Variants in GMDS observed in about 807,000 individuals in gnomAD.
The protein encoded by GMDS is GDP-mannose 4,6-dehydratase.
GMDS carries 20 observed loss-of-function variants against 49.9 expected under a neutral mutation model. The ratio of observed to expected loss-of-function variants is 0.40; its 90% CI spans 0.28 to 0.58. The LOEUF is 0.58. GMDS is among the 20% of genes least tolerant of loss of function. The pLI, the probability that GMDS is intolerant of heterozygous loss-of-function variation, is 0.42. For synonymous variants in GMDS, 177 were observed against 178.6 expected, an observed-to-expected ratio of 0.99 and a Z score of 0.07; for missense variants, 362 against 481.4, an observed-to-expected ratio of 0.75 and a Z score of 2.32.
Position 1,833,166 on chromosome 6 carries a change from A to AG in GMDS, c.772-90581dup, listed in dbSNP as rs1288904753. Among the ~76,000 whole-genome samples, 2 of 143,028 alleles carry AG rather than the reference A, an allele frequency of 1.4e-5. No homozygotes were observed. Among genetic ancestry groups the AG allele is most frequent in the African/African-American group, 2.6e-5 (1 of 38,354 alleles). The allele number at this position is 143,028 out of a possible 152,430, so 93.8% of individuals were successfully genotyped here. ...TTTTTTTTTAAACTAATGCACTGGA[A>AG]GGGGGCAAAGGGTGGCATGGACCCT... On this transcript the variant is annotated intron_variant, in intron 7 of 10. Coordinates refer to ENST00000380815, the MANE Select transcript of GMDS (RefSeq NM_001500.4). The surrounding 1 kb of genome is among the most constrained non-coding windows in gnomAD (Gnocchi z 4.4).
chr6:2,159,117 A>T (rs956468556), intron 1 of GMDS, among the ~76,000 whole-genome samples: 9 of 152,236 alleles, frequency 5.9e-5, no homozygotes, highest in African/African-American at 2.2e-4. Context: ...TCACATGTTA[A>T]GTTAAACTAA....
chr6:1,775,629 G>GGCCT (rs1333933170), intron 7 of GMDS, among the ~76,000 whole-genome samples: 2 of 152,016 alleles, frequency 1.3e-5, no homozygotes, highest in African/African-American at 2.4e-5. Flanking sequence ...ATTTGCAGCT[G>GGCCT]GCCTGATGCC....
At chr6:1,756,066 AAAC>A (rs1181636443) in intron 7 of GMDS, among the ~76,000 whole-genome samples, 4 of 152,234 alleles carry the variant, frequency 2.6e-5, no homozygotes, top group African/African-American at 9.6e-5. Context: ...ATGTAAAAGA[AAAC>A]AACAACCCCC....
chr6:2,161,696 AC>A (rs2127546131), intron 1 of GMDS, among the ~76,000 whole-genome samples: 1 of 152,336 alleles, frequency 6.6e-6, no homozygotes, highest in Non-Finnish European at 1.5e-5. Context: ...CAGAACAAGG[AC>A]CTACGTGGGG....
chr6:1,858,896 G>A (rs3800101), intron 7 of GMDS, among the ~76,000 whole-genome samples: 146,552 of 152,268 alleles, frequency 0.96, 70,719 homozygotes, highest in Non-Finnish European at 1. Context: ...ATGGTTTAAG[G>A]TCATCTATAA....
intron 7 of GMDS, among the ~76,000 whole-genome samples, chr6:1,891,175 G>A (rs1018244616): frequency 2.0e-5 from 3 of 152,114 alleles, no homozygotes; most frequent in Admixed American, 6.5e-5. Context: ...GTCAAACCAC[G>A]TGGTTTCCAT....
At chr6:2,183,818 C>A (rs1299001094) in intron 1 of GMDS, among the ~76,000 whole-genome samples, 3 of 152,172 alleles carry the variant, frequency 2.0e-5, no homozygotes, top group Non-Finnish European at 4.4e-5. Flanking sequence ...AAAAGGGAGG[C>A]AATACCCTCT....
chr6:1,731,181 C>T (rs1288675610), intron 8 of GMDS, among the ~76,000 whole-genome samples: 2 of 152,138 alleles, frequency 1.3e-5, no homozygotes, highest in Non-Finnish European at 2.9e-5. Context: ...TCTAATCTCC[C>T]AGAAAGTAGA....
At chr6:1,983,521 A>G (rs2127350004) in intron 4 of GMDS, among the ~76,000 whole-genome samples, 1 of 152,334 alleles carries the variant, frequency 6.6e-6, no homozygotes, top group East Asian at 1.9e-4. Context: ...AGGAACTTAA[A>G]TCTACAAGAA....
intron 7 of GMDS, among the ~76,000 whole-genome samples, chr6:1,900,051 C>T (rs751860463): frequency 7.9e-5 from 12 of 152,252 alleles, no homozygotes; most frequent in African/African-American, 1.2e-4. Context: ...TGCCTACACA[C>T]TCTGAGTCAA....
intron 4 of GMDS, among the ~76,000 whole-genome samples, chr6:1,996,685 C>T (rs978676894): frequency 6.6e-6 from 1 of 152,100 alleles, no homozygotes; most frequent in Non-Finnish European, 1.5e-5. Flanking sequence ...GGATTATTTC[C>T]CTTCTACTTT....
intron 7 of GMDS, among the ~76,000 whole-genome samples, chr6:1,922,556 C>T (rs1223348626): frequency 4.6e-5 from 7 of 152,170 alleles, no homozygotes; most frequent in South Asian, 2.1e-4. Context: ...ATGGTTCCTT[C>T]GGAATAATGC....
intron 4 of GMDS, among the ~76,000 whole-genome samples, chr6:2,020,914 A>G (rs935122934): frequency 1.3e-5 from 2 of 152,362 alleles, no homozygotes; most frequent in African/African-American, 2.4e-5. Flanking sequence ...CCAGCGCTGC[A>G]TATGTGCTTA....
chr6:1,682,871 AT>A lies in GMDS; in HGVS notation c.987+43544del, dbSNP rs1192860030. ...GGCGTGAGCCACCGCGCCCGGCCTC[AT>A]TTTTTTAGAAAGGGAAATCTGGATA... On this transcript the variant is annotated intron_variant, in intron 9 of 10. Coordinates refer to ENST00000380815, the MANE Select transcript of GMDS (RefSeq NM_001500.4). Among the ~76,000 whole-genome samples the A allele has an allele frequency of 1.3e-5, 2 of 151,730 alleles. 1 individual carries two copies. The highest frequency in any genetic ancestry group is 2.9e-5 in the Non-Finnish European group (2 of 67,954).
chr6:1,794,591 AG>A (rs1581189735), intron 7 of GMDS, among the ~76,000 whole-genome samples: 1 of 152,346 alleles, frequency 6.6e-6, no homozygotes, highest in East Asian at 1.9e-4. Flanking sequence ...ATAACACAGT[AG>A]GGTTAACACT....
At chr6:1,721,776 A>G (rs1361479349) in intron 9 of GMDS, among the ~76,000 whole-genome samples, 3 of 152,198 alleles carry the variant, frequency 2.0e-5, no homozygotes, top group South Asian at 4.2e-4. Flanking sequence ...TAAGAAGACG[A>G]CATATTTGTG....
chr6:1,686,513 G>A (rs549653457), intron 9 of GMDS, among the ~76,000 whole-genome samples: 10 of 152,272 alleles, frequency 6.6e-5, no homozygotes, highest in African/African-American at 2.4e-4. Flanking sequence ...TAGCAAGCAC[G>A]CATCTTTCTC....
At chr6:1,746,558 A>G (rs978364129) in intron 7 of GMDS, among the ~76,000 whole-genome samples, 1 of 152,198 alleles carries the variant, frequency 6.6e-6, no homozygotes, top group Non-Finnish European at 1.5e-5. Flanking sequence ...ACTCCAGACC[A>G]TTGACTTTTG....
At chr6:1,904,126 C>T (rs904490250) in intron 7 of GMDS, among the ~76,000 whole-genome samples, 2 of 152,008 alleles carry the variant, frequency 1.3e-5, no homozygotes, top group Non-Finnish European at 2.9e-5. Flanking sequence ...TCCAGGGGCA[C>T]GGGACAAGCG....
Sources: allele counts gnomAD v4.1 joint callset (sites outside exome capture counted in the v4.1 genomes callset), GRCh38; gene constraint gnomAD v4.1.1; non-coding constraint Gnocchi (gnomAD v3.1); transcripts MANE v1.5; gene names NCBI Gene and HGNC (gene_info 2026-07-23, HGNC 2026-07-21).